Variants in INPP5A observed in about 807,000 individuals in gnomAD.
INPP5A encodes 43 kDa inositol polyphosphate 5-phophatase.
INPP5A carries 14 observed loss-of-function variants against 65.2 expected under a neutral mutation model. That is an observed-to-expected ratio of 0.21 (90% CI 0.14 to 0.34). The LOEUF is 0.34. INPP5A is among the 10% of genes least tolerant of loss of function. The pLI, the probability that INPP5A is intolerant of heterozygous loss-of-function variation, is 1.00. For synonymous variants in INPP5A, 207 were observed against 208.3 expected, an observed-to-expected ratio of 0.99 and a Z score of 0.05; for missense variants, 431 against 545.6, an observed-to-expected ratio of 0.79 and a Z score of 2.09.
chr10:132,651,310 C>G lies in INPP5A; in HGVS notation c.306+805C>G, dbSNP rs1477450131. 1.5e-4 allele frequency among the ~76,000 whole-genome samples: 22 copies of G among 145,332 alleles called. No individual in the cohort carries two copies. Among genetic ancestry groups the G allele is most frequent in the African/African-American group, 5.1e-4 (20 of 39,054 alleles). On this transcript the variant is annotated intron_variant, in intron 4 of 15. Coordinates refer to ENST00000368594, the MANE Select transcript of INPP5A (RefSeq NM_005539.5). This position sits in a 1 kb window ranked among gnomAD's most constrained non-coding sequence, Gnocchi z 5.0. The stretch of plus-strand genomic sequence containing the variant: ...CCATCTCCCCCGTCTCTGGGGAGGC[C>G]CTGGGTCCCCCGGCCTGGATCCATC...
intron 6 of INPP5A, among the ~76,000 whole-genome samples, chr10:132,699,944 T>C (rs916188991): frequency 2.4e-4 from 36 of 152,106 alleles, no homozygotes; most frequent in Admixed American, 2.4e-3. Flanking sequence ...CTTTGAAGGG[T>C]GGGTGCCCTG....
intron 1 of INPP5A, among the ~76,000 whole-genome samples, chr10:132,539,469 TCCCA>T (rs1197370492): frequency 6.6e-6 from 1 of 152,112 alleles, no homozygotes; most frequent in African/African-American, 2.4e-5. Context: ...CAAGCCTCAT[TCCCA>T]CCCAGGATCC....
intron 2 of INPP5A, among the ~76,000 whole-genome samples, chr10:132,645,413 G>A (rs1041352973): frequency 2.6e-5 from 4 of 152,110 alleles, no homozygotes; most frequent in Non-Finnish European, 4.4e-5. Context: ...CACATGCTCC[G>A]GCACACGCGT....
intron 1 of INPP5A, among the ~76,000 whole-genome samples, chr10:132,543,389 G>A (rs747414371): frequency 2.0e-5 from 3 of 152,042 alleles, no homozygotes; most frequent in African/African-American, 7.2e-5. Context: ...TGCAGCGTGC[G>A]TCAGTCCTGC....
intron 12 of INPP5A, among the ~76,000 whole-genome samples, chr10:132,772,474 GGACA>G (rs1320915691): frequency 9.2e-5 from 12 of 129,832 alleles, no homozygotes; most frequent in Non-Finnish European, 1.8e-4. Context: ...ATGAAGAGTG[GGACA>G]GACACTCAGC....
chr10:132,768,941 T>C (rs2134679303), intron 12 of INPP5A, among the ~76,000 whole-genome samples: 1 of 152,360 alleles, frequency 6.6e-6, no homozygotes, highest in East Asian at 1.9e-4. Flanking sequence ...CTTATCAGCA[T>C]TGGTGGGCAG....
rs1273651154 is a variant in INPP5A, at chr10:132,753,328, C to T, written c.903+3483C>T. On this transcript the variant is annotated intron_variant, in intron 11 of 15. Coordinates refer to ENST00000368594, the MANE Select transcript of INPP5A (RefSeq NM_005539.5). This position sits in a 1 kb window ranked among gnomAD's most constrained non-coding sequence, Gnocchi z 5.3. ...CAGCACCGCAGCCATGGAGAGCAAA[C>T]TCTCCGTCCGCAGGATGGATGTGCC... Among the ~76,000 whole-genome samples the T allele has an allele frequency of 1.3e-5, 2 of 152,326 alleles. No individual in the cohort carries two copies. Among genetic ancestry groups the T allele is most frequent in the East Asian group, 3.9e-4 (2 of 5,180 alleles).
chr10:132,754,652 G>T (rs573584414), intron 11 of INPP5A, among the ~76,000 whole-genome samples: 61 of 152,368 alleles, frequency 4.0e-4, no homozygotes, highest in African/African-American at 1.5e-3. Context: ...TCAGAAGACA[G>T]GGTGGGAAAG....
At chr10:132,629,158 G>T (rs1368137573) in intron 2 of INPP5A, among the ~76,000 whole-genome samples, 1 of 152,196 alleles carries the variant, frequency 6.6e-6, no homozygotes, top group Non-Finnish European at 1.5e-5. Context: ...GCTGCCTGAC[G>T]TGTGTCCCCA....
intron 12 of INPP5A, among the ~76,000 whole-genome samples, chr10:132,769,425 G>A (rs551325173): frequency 3.9e-5 from 6 of 152,318 alleles, no homozygotes; most frequent in Admixed American, 2.0e-4. Context: ...GAACTCTCCC[G>A]GGCGGGACCC....
In INPP5A at chr10:132,749,573, G is replaced by T. The variant is rs1290310443; in HGVS notation, c.789G>T (p.Val263=). The T allele has an allele frequency of 1.2e-6, 2 of 1,612,916 alleles. No homozygotes were observed. Among genetic ancestry groups the T allele is most frequent in the Admixed American group, 1.7e-5 (1 of 60,010 alleles). ...QTVRAADTNE[V]VKLIFRESDN... ...TCCGGGCCGCCGACACCAATGAAGTGGTGAAGCTCATATTTCGTGAGTCGG... is the reference window on the plus strand; with the variant it reads ...TCCGGGCCGCCGACACCAATGAAGTTGTGAAGCTCATATTTCGTGAGTCGG... Residue 263 remains valine, a synonymous_variant, in exon 10 of 16, where the codon GTG becomes GTT. Coordinates refer to ENST00000368594, the MANE Select transcript of INPP5A (RefSeq NM_005539.5).
Position 132,538,169 on chromosome 10 carries a change from G to A in INPP5A, c.73G>A (p.Asp25Asn). 3.1e-6 allele frequency: 4 copies of A among 1,278,304 alleles called. No homozygotes were observed. The highest frequency in any genetic ancestry group is 3.7e-5 in the Admixed American group (1 of 27,242). The allele number at this position is 1,278,304 out of a possible 1,614,324, so 79.2% of individuals were successfully genotyped here. A position where few individuals can be genotyped will look rare whatever the true frequency, so the allele number is the denominator to read the frequency against. ...VTANVGSLFDDPENLQKNWLR... is the reference protein window; with the variant it reads ...VTANVGSLFDNPENLQKNWLR... The stretch of plus-strand genomic sequence containing the variant: ...GGCCAACGTGGGCTCGCTCTTCGAC[G>A]ACGTAAGTCCCCCGTGCCGGCGGCA... The change falls in exon 1 of 16, where the codon GAC (aspartate) becomes AAC (asparagine). Residue 25 changes from aspartate (D) to asparagine (N), a missense_variant and splice_region_variant. Asp to Asn is a conservative substitution (Grantham distance 23). Coordinates refer to ENST00000368594, the MANE Select transcript of INPP5A (RefSeq NM_005539.5). The surrounding 1 kb of genome is among the most constrained non-coding windows in gnomAD (Gnocchi z 4.1).
At chr10:132,621,658 G>C (rs2072112034) in intron 2 of INPP5A, among the ~76,000 whole-genome samples, 1 of 152,166 alleles carries the variant, frequency 6.6e-6, no homozygotes. Context: ...TCAGTGAAGT[G>C]GTAGGGCAGA....
At chr10:132,721,475 G>T (rs1429426161) in intron 8 of INPP5A, among the ~76,000 whole-genome samples, 2 of 150,576 alleles carry the variant, frequency 1.3e-5, no homozygotes, top group Non-Finnish European at 3.0e-5. Context: ...GCCTTAGACG[G>T]CTGTCTTCAG....
intron 2 of INPP5A, among the ~76,000 whole-genome samples, chr10:132,628,469 G>GGGC (rs1448365305): frequency 6.7e-6 from 1 of 148,370 alleles, no homozygotes; most frequent in Non-Finnish European, 1.5e-5. Flanking sequence ...GTGGCGGGGG[G>GGGC]GGGGGGGGGC....
At chr10:132,732,175 G>A (rs1458304660) in intron 9 of INPP5A, among the ~76,000 whole-genome samples, 1 of 152,266 alleles carries the variant, frequency 6.6e-6, no homozygotes, top group African/African-American at 2.4e-5. Flanking sequence ...ATGCCCTCAT[G>A]CTGGACAGAC....
chr10:132,721,722 C>T (rs1162655284), intron 8 of INPP5A, among the ~76,000 whole-genome samples: 1 of 143,436 alleles, frequency 7.0e-6, no homozygotes, highest in Non-Finnish European at 1.5e-5. Context: ...GTCTGGGCGC[C>T]TTAGACTGCT....
chr10:132,718,053 G>A (rs1251215890), intron 8 of INPP5A, among the ~76,000 whole-genome samples: 4 of 150,210 alleles, frequency 2.7e-5, no homozygotes, highest in South Asian at 2.1e-4. Flanking sequence ...GCTGTCTTGC[G>A]GGTTCTGTGG....
At chr10:132,760,977 G>A (rs1378879135) in intron 11 of INPP5A, among the ~76,000 whole-genome samples, 1 of 152,240 alleles carries the variant, frequency 6.6e-6, no homozygotes, top group East Asian at 1.9e-4. Flanking sequence ...CTCGTTTCCA[G>A]GGGGAATTTC....
Sources: gnomAD v4.1 joint callset for allele counts (sites outside exome capture counted in the v4.1 genomes callset) on GRCh38, gnomAD v4.1.1 for gene constraint, Gnocchi (gnomAD v3.1) non-coding constraint, MANE v1.5 for transcripts, NCBI Gene and HGNC (gene_info 2026-07-23, HGNC 2026-07-21) for gene names.